The following HTR1F variants were observed in gnomAD, a reference collection of about 807,000 sequenced individuals.
The protein encoded by HTR1F is 5-hydroxytryptamine (serotonin) receptor 1F, G protein-coupled.
Under a neutral mutation model 24.0 loss-of-function variants are expected in HTR1F, and 17 were observed. The observed-to-expected ratio is 0.71, with a 90% CI of 0.48 to 1.06. The LOEUF is 1.06. Ranked by LOEUF, HTR1F falls within the 50% of genes least tolerant of loss-of-function variation. HTR1F has a pLI of 0.00. For missense variants in HTR1F, 391 were observed against 427.8 expected (o/e 0.91, Z 0.76); for synonymous variants, 186 against 156.8 (o/e 1.19, Z -1.39).
At chr3:87,980,465 G>A (rs1705516198) in intron 2 of HTR1F, among the ~76,000 whole-genome samples, 1 of 152,182 alleles carries the variant, frequency 6.6e-6, no homozygotes, top group African/African-American at 2.4e-5. Flanking sequence ...GGGAGGAAGT[G>A]CATGCTGACT....
chr3:87,838,950 T>C (rs1227558049), intron 2 of HTR1F, among the ~76,000 whole-genome samples: 2 of 151,850 alleles, frequency 1.3e-5, no homozygotes, highest in African/African-American at 4.8e-5. Context: ...TTGCAAATAT[T>C]TTCTCCCAAT....
chr3:87,808,786 C>T (rs569108513), intron 1 of HTR1F, among the ~76,000 whole-genome samples: 4 of 151,698 alleles, frequency 2.6e-5, no homozygotes, highest in Middle Eastern at 3.4e-3. Context: ...TTGCTGTATC[C>T]CATAGATTTT....
intron 1 of HTR1F, among the ~76,000 whole-genome samples, chr3:87,794,228 C>A (rs532021334): frequency 6.6e-6 from 1 of 152,292 alleles, no homozygotes; most frequent in East Asian, 1.9e-4. Flanking sequence ...CGCCTCTGGG[C>A]TTGCAGTCTC....
At chr3:87,814,758 G>T (rs556931325) in intron 1 of HTR1F, among the ~76,000 whole-genome samples, 2 of 152,104 alleles carry the variant, frequency 1.3e-5, no homozygotes, top group Non-Finnish European at 2.9e-5. Flanking sequence ...TATACTACTT[G>T]TTTCCTTCTA....
chr3:87,943,700 C>T (rs1372028631), intron 2 of HTR1F, among the ~76,000 whole-genome samples: 1 of 136,178 alleles, frequency 7.3e-6, no homozygotes, highest in Non-Finnish European at 1.6e-5. Context: ...ACATATGGCA[C>T]TTCAATCCAT....
intron 2 of HTR1F, among the ~76,000 whole-genome samples, chr3:87,848,681 A>G (rs1244289041): frequency 2.0e-5 from 3 of 151,856 alleles, no homozygotes; most frequent in Non-Finnish European, 4.4e-5. Flanking sequence ...CTGTTTGCAG[A>G]TGACATGATT....
intron 2 of HTR1F, among the ~76,000 whole-genome samples, chr3:87,933,687 G>A (rs1287881696): frequency 6.6e-6 from 1 of 152,122 alleles, no homozygotes; most frequent in Non-Finnish European, 1.5e-5. Context: ...ACAAACCACT[G>A]CTCAATGAAA....
intron 2 of HTR1F, among the ~76,000 whole-genome samples, chr3:87,978,574 C>T (rs1705450862): frequency 6.6e-6 from 1 of 151,914 alleles, no homozygotes; most frequent in Non-Finnish European, 1.5e-5. Flanking sequence ...GAGAAGAGAC[C>T]CAGTACCTCC....
At chr3:87,985,391 AC>A (rs2107519304) in intron 2 of HTR1F, among the ~76,000 whole-genome samples, 1 of 152,276 alleles carries the variant, frequency 6.6e-6, no homozygotes, top group Admixed American at 6.5e-5. Context: ...TGACTGAAAT[AC>A]AACTATTCAG....
chr3:87,814,527 A>G (rs1487291986), intron 1 of HTR1F, among the ~76,000 whole-genome samples: 2 of 152,080 alleles, frequency 1.3e-5, no homozygotes, highest in African/African-American at 4.8e-5. Flanking sequence ...ATGACCAACT[A>G]TCATTCTCCA....
chr3:87,937,083 C>CAAAAAAAAAAAAAA (rs35169317), intron 2 of HTR1F, among the ~76,000 whole-genome samples: 1 of 113,916 alleles, frequency 8.8e-6, no homozygotes, highest in Non-Finnish European at 1.8e-5. Context: ...TGAAACTACC[C>CAAAAAAAAAAAAAA]AAAAAAAAAA....
intron 2 of HTR1F, among the ~76,000 whole-genome samples, chr3:87,928,345 C>A (rs189820498): frequency 2.0e-5 from 3 of 152,106 alleles, no homozygotes; most frequent in African/African-American, 7.2e-5. Context: ...ACGCTAGGCC[C>A]TTAATTTACT....
chr3:87,991,391 G>C lies in HTR1F; in HGVS notation c.642G>C (p.Lys214Asn). The C allele has an allele frequency of 6.2e-7, 1 of 1,613,972 alleles. No individual in the cohort carries two copies. The highest frequency in any genetic ancestry group is 8.5e-7 in the Non-Finnish European group (1 of 1,180,000). Residue 214 changes from lysine to asparagine, a missense_variant, in exon 3 of 3, where the codon AAG becomes AAC. By Grantham distance (94) the Lys-to-Asn change is moderately conservative. Coordinates refer to ENST00000319595, the MANE Select transcript of HTR1F (RefSeq NM_001322209.2). Reference sequence around the variant, plus strand: ...GAGCAGCAAAGACATTATACCACAAGAGACAAGCAAGTAGGATTGCAAAGG... The same window carrying C: ...GAGCAGCAAAGACATTATACCACAACAGACAAGCAAGTAGGATTGCAAAGG... The part of the protein sequence containing the change: ...IYRAAKTLYH[K>N]RQASRIAKEE...
chr3:87,818,763 G>A (rs1704297828), intron 1 of HTR1F, among the ~76,000 whole-genome samples: 1 of 152,092 alleles, frequency 6.6e-6, no homozygotes, highest in South Asian at 2.1e-4. Flanking sequence ...ATTTATGAAG[G>A]CACTCACTCA....
At chr3:87,969,171 G>A (rs577433570) in intron 2 of HTR1F, among the ~76,000 whole-genome samples, 53 of 152,342 alleles carry the variant, frequency 3.5e-4, no homozygotes, top group Non-Finnish European at 6.0e-4. Flanking sequence ...GGAAGGGAAC[G>A]TGTGATTGAA....
intron 2 of HTR1F, among the ~76,000 whole-genome samples, chr3:87,850,347 C>CTATCG (rs997963238): frequency 1.0e-3 from 153 of 151,986 alleles, no homozygotes; most frequent in Non-Finnish European, 1.7e-3. Context: ...TCTCAGCAAA[C>CTATCG]TATCGCAAGG....
intron 2 of HTR1F, among the ~76,000 whole-genome samples, chr3:87,822,959 AC>A (rs1559595064): frequency 6.6e-6 from 1 of 152,194 alleles, no homozygotes; most frequent in Non-Finnish European, 1.5e-5. Context: ...AATAATATTT[AC>A]CTTCCCAATC....
chr3:87,863,125 CT>C (rs1332710802), intron 2 of HTR1F, among the ~76,000 whole-genome samples: 2 of 152,092 alleles, frequency 1.3e-5, no homozygotes, highest in African/African-American at 4.8e-5. Flanking sequence ...CACATACTTA[CT>C]TTTTTCAAAA....
intron 2 of HTR1F, among the ~76,000 whole-genome samples, chr3:87,931,095 A>G (rs553335898): frequency 4.5e-4 from 66 of 147,992 alleles, no homozygotes; most frequent in African/African-American, 1.6e-3. Context: ...ATACATGTGC[A>G]CAATGTGCAG....
Sources: gnomAD v4.1 joint callset for allele counts (sites outside exome capture counted in the v4.1 genomes callset) on GRCh38, gnomAD v4.1.1 for gene constraint, MANE v1.5 for transcripts, NCBI Gene and HGNC (gene_info 2026-07-23, HGNC 2026-07-21) for gene names.